The following FAR2 variants were observed in gnomAD, a reference collection of about 807,000 sequenced individuals.
FAR2 encodes the protein epididymis secretory protein Li 81.
FAR2 carries 19 observed loss-of-function variants against 56.0 expected under a neutral mutation model. The observed-to-expected ratio is 0.34, with a 90% CI of 0.24 to 0.50. The LOEUF (loss-of-function observed/expected upper bound fraction) is 0.50. FAR2 is among the 20% of genes least tolerant of loss of function. The pLI is 0.98. For synonymous variants in FAR2, 219 were observed against 218.8 expected (o/e 1.00, Z -0.01); for missense variants, 508 against 642.2 (o/e 0.79, Z 2.26).
intron 3 of FAR2, among the ~76,000 whole-genome samples, chr12:29,295,380 C>T (rs1196045657): frequency 6.6e-6 from 1 of 152,072 alleles, no homozygotes; most frequent in African/African-American, 2.4e-5. Flanking sequence ...AGCCACACTT[C>T]CATTTTTATA....
At chr12:29,164,657 G>C in intron 1 of FAR2, among the ~76,000 whole-genome samples, 1 of 152,128 alleles carries the variant, frequency 6.6e-6, no homozygotes. Context: ...AGTGAAGGGA[G>C]CTCCAGCTCT....
At chr12:29,248,812 T>C (rs998457878) in intron 1 of FAR2, among the ~76,000 whole-genome samples, 1 of 152,192 alleles carries the variant, frequency 6.6e-6, no homozygotes, top group Non-Finnish European at 1.5e-5. Context: ...GTGTATTCTC[T>C]TTCCCAGGGA....
chr12:29,243,476 G>A (rs1192463960), intron 1 of FAR2, among the ~76,000 whole-genome samples: 2 of 152,142 alleles, frequency 1.3e-5, no homozygotes, highest in African/African-American at 4.8e-5. Flanking sequence ...TTTCAATGAA[G>A]CATTCATCAG....
intron 1 of FAR2, among the ~76,000 whole-genome samples, chr12:29,246,960 CTT>C (rs1176905547): frequency 6.6e-6 from 1 of 152,034 alleles, no homozygotes; most frequent in African/African-American, 2.4e-5. Context: ...GAACTAATAA[CTT>C]TATTAGTTAT....
At chr12:29,303,467 T>G (rs1046811875) in intron 4 of FAR2, among the ~76,000 whole-genome samples, 11 of 152,124 alleles carry the variant, frequency 7.2e-5, no homozygotes, top group African/African-American at 2.7e-4. Flanking sequence ...CTGTACCTAC[T>G]AAAAACCATG....
intron 1 of FAR2, among the ~76,000 whole-genome samples, chr12:29,163,607 A>C (rs1193722351): frequency 6.6e-6 from 1 of 152,222 alleles, no homozygotes; most frequent in Non-Finnish European, 1.5e-5. Context: ...AGACTTAATA[A>C]ATATGATTTG....
At chr12:29,211,695 G>GA (rs768810017) in intron 1 of FAR2, among the ~76,000 whole-genome samples, 4 of 151,874 alleles carry the variant, frequency 2.6e-5, no homozygotes, top group Non-Finnish European at 4.4e-5. Context: ...CATAGCTGCA[G>GA]AAAAAATAGA....
intron 1 of FAR2, among the ~76,000 whole-genome samples, chr12:29,195,185 C>T (rs1052588412): frequency 6.6e-6 from 1 of 152,188 alleles, no homozygotes; most frequent in Non-Finnish European, 1.5e-5. Context: ...GTCCTTCTTG[C>T]ACTTTAAACT....
chr12:29,331,413 A>T (rs1949730867), intron 10 of FAR2: 1 of 152,116 alleles, frequency 6.6e-6, no homozygotes, highest in Non-Finnish European at 1.5e-5. Flanking sequence ...AATACATGAA[A>T]TAAAACTCTA....
chr12:29,213,267 A>G (rs1003963693), intron 1 of FAR2, among the ~76,000 whole-genome samples: 1 of 152,074 alleles, frequency 6.6e-6, no homozygotes, highest in Non-Finnish European at 1.5e-5. Context: ...CCTTACTGGA[A>G]TAAAATTACT....
At chr12:29,256,703 G>C (rs1285631489) in intron 1 of FAR2, among the ~76,000 whole-genome samples, 4 of 152,208 alleles carry the variant, frequency 2.6e-5, no homozygotes, top group Non-Finnish European at 5.9e-5. Context: ...TGGAGTTCCG[G>C]GTGGGCGTGG....
chr12:29,221,996 C>T (rs1947699905), intron 1 of FAR2, among the ~76,000 whole-genome samples: 1 of 152,092 alleles, frequency 6.6e-6, no homozygotes, highest in Non-Finnish European at 1.5e-5. Flanking sequence ...TACAGGTGCC[C>T]ACTACCACAC....
chr12:29,324,133 G>A (rs920066783), intron 10 of FAR2, among the ~76,000 whole-genome samples: 1 of 152,122 alleles, frequency 6.6e-6, no homozygotes, highest in Non-Finnish European at 1.5e-5. Context: ...CGATCAACTG[G>A]AAGAAAGGGT....
intron 1 of FAR2, among the ~76,000 whole-genome samples, chr12:29,196,344 G>A (rs1950143496): frequency 6.6e-6 from 1 of 152,030 alleles, no homozygotes; most frequent in Non-Finnish European, 1.5e-5. Context: ...ATCCTCACCA[G>A]CATCTGTTAT....
chr12:29,174,597 T>G (rs1216418611), intron 1 of FAR2, among the ~76,000 whole-genome samples: 2 of 151,950 alleles, frequency 1.3e-5, no homozygotes, highest in Non-Finnish European at 2.9e-5. Context: ...ATTTTTTGTA[T>G]TTTTAGTAGA....
chr12:29,221,082 TC>T (rs1279337272), intron 1 of FAR2, among the ~76,000 whole-genome samples: 1 of 151,928 alleles, frequency 6.6e-6, no homozygotes, highest in East Asian at 1.9e-4. Flanking sequence ...TGCGTACAAC[TC>T]CAATAACTGG....
intron 1 of FAR2, among the ~76,000 whole-genome samples, chr12:29,169,228 A>T (rs1372876483): frequency 2.0e-5 from 3 of 152,178 alleles, no homozygotes; most frequent in Non-Finnish European, 4.4e-5. Flanking sequence ...CACTGTAGCT[A>T]CTTCCTGCTG....
chr12:29,311,263 T>C, intron 7 of FAR2, 117 bp downstream of exon 7: 1 of 688,318 alleles, frequency 1.5e-6, no homozygotes, highest in Non-Finnish European at 2.6e-6. Context: ...TGAAAGTGCG[T>C]ATTTCAATAT....
intron 1 of FAR2, among the ~76,000 whole-genome samples, chr12:29,200,895 C>T (rs1425917238): frequency 3.9e-5 from 6 of 152,118 alleles, no homozygotes; most frequent in African/African-American, 1.2e-4. Context: ...CAGGGCCAGT[C>T]GCAACTGTTT....
Sources: gnomAD v4.1 joint callset for allele counts (sites outside exome capture counted in the v4.1 genomes callset) on GRCh38, gnomAD v4.1.1 for gene constraint, MANE v1.5 for transcripts, NCBI Gene and HGNC (gene_info 2026-07-23, HGNC 2026-07-21) for gene names.